The following PLCB1 variants were observed in gnomAD, a reference collection of about 807,000 sequenced individuals.
PLCB1 encodes the protein phospholipase C beta 1.
In PLCB1, 46 loss-of-function variants were observed where a neutral mutation model predicts 161.8. The ratio of observed to expected loss-of-function variants is 0.28; its 90% confidence interval spans 0.22 to 0.36. The LOEUF is 0.36. PLCB1 is among the 10% of genes least tolerant of loss of function. PLCB1 has a pLI of 1.00. For synonymous variants in PLCB1, 517 were observed against 503.7 expected (o/e 1.03, Z -0.35); for missense variants, 1,016 against 1,472.5 (o/e 0.69, Z 5.07).
intron 7 of PLCB1, chr20:8,650,015 C>T (rs191402887): frequency 5.7e-3 from 860 of 152,086 alleles, no homozygotes; most frequent in Non-Finnish European, 0.01. Context: ...ACTCCTATAA[C>T]CCCAGTATTT....
chr20:8,148,448 A>G (rs549229650), intron 1 of PLCB1, among the ~76,000 whole-genome samples: 1 of 152,346 alleles, frequency 6.6e-6, no homozygotes, highest in East Asian at 1.9e-4. Context: ...GATATTTTTC[A>G]AACTGCATGT....
intron 3 of PLCB1, among the ~76,000 whole-genome samples, chr20:8,426,299 T>C (rs988560428): frequency 6.6e-6 from 1 of 152,218 alleles, no homozygotes; most frequent in African/African-American, 2.4e-5. Context: ...AAAAGTTCTA[T>C]TTCTTTTCCA....
chr20:8,651,137 G>A (rs1384535987), intron 7 of PLCB1, among the ~76,000 whole-genome samples: 2 of 152,088 alleles, frequency 1.3e-5, no homozygotes, highest in Non-Finnish European at 2.9e-5. Context: ...GAGTATCTAA[G>A]CAACAAGGAA....
intron 3 of PLCB1, among the ~76,000 whole-genome samples, chr20:8,580,205 C>T (rs1214195893): frequency 1.3e-5 from 2 of 152,056 alleles, no homozygotes; most frequent in Admixed American, 6.6e-5. Flanking sequence ...TGGGGTGGCC[C>T]CACATGTCAA....
chr20:8,697,775 T>C lies in PLCB1; in HGVS notation c.1159T>C (p.Ser387Pro). Residue 387 changes from serine (S) to proline (P), a missense_variant, in exon 11 of 32, where the codon TCT becomes CCT. Around this residue, in one of 10 missense-constraint regions of PLCB1, gnomAD observed 56 missense variants for 126.3 expected, o/e 0.44. Transcript: ENST00000338037. ...TGGCTTCACCATGACAACTGAAATA[T>C]CTTTCAAGGTAGAGTATATGAATGT... ...THGFTMTTEI[S>P]FKEVIEAIAE... is the part of the protein sequence containing the mutation. 1 of 1,614,114 alleles carries C rather than the reference T, an allele frequency of 6.2e-7. No homozygotes were observed.
chr20:8,811,549 G>A (rs1001503337), intron 31 of PLCB1, among the ~76,000 whole-genome samples: 3 of 152,174 alleles, frequency 2.0e-5, no homozygotes, highest in Non-Finnish European at 4.4e-5. Flanking sequence ...ATTAATGGTT[G>A]GCAGAGTGGT....
intron 8 of PLCB1, among the ~76,000 whole-genome samples, chr20:8,658,011 A>G (rs983718495): frequency 6.6e-6 from 1 of 152,146 alleles, no homozygotes; most frequent in African/African-American, 2.4e-5. Context: ...CATTTGTACC[A>G]CTGAATTTGT....
chr20:8,650,376 T>C (rs1989283021), intron 7 of PLCB1, among the ~76,000 whole-genome samples: 1 of 152,160 alleles, frequency 6.6e-6, no homozygotes, highest in Non-Finnish European at 1.5e-5. Flanking sequence ...AATGATCCAA[T>C]GACCCAAAAA....
intron 8 of PLCB1, 90 bp from the exon 9 acceptor site, chr20:8,658,448 T>C (rs1179195993): frequency 4.0e-6 from 4 of 994,450 alleles, no homozygotes; most frequent in Non-Finnish European, 6.0e-6. Context: ...TTATCAAGTA[T>C]AAGATTTTAT....
chr20:8,517,910 G>A (rs555711366), intron 3 of PLCB1, among the ~76,000 whole-genome samples: 8 of 152,312 alleles, frequency 5.3e-5, no homozygotes, highest in Admixed American at 1.3e-4. Flanking sequence ...CTGGCTAGGC[G>A]TGGTGGCTCA....
At chr20:8,829,084 G>C (rs1237923624) in intron 31 of PLCB1, among the ~76,000 whole-genome samples, 3 of 152,170 alleles carry the variant, frequency 2.0e-5, no homozygotes, top group African/African-American at 7.2e-5. Context: ...CTATGTGGTA[G>C]GTATATGGGT....
chr20:8,281,340 AC>A (rs1982864681), intron 2 of PLCB1, among the ~76,000 whole-genome samples: 1 of 129,504 alleles, frequency 7.7e-6, no homozygotes, highest in Non-Finnish European at 1.6e-5. Flanking sequence ...TCTTTTTAAT[AC>A]ATTTTTTTCT....
chr20:8,542,210 G>A (rs77110120), intron 3 of PLCB1, among the ~76,000 whole-genome samples: 8 of 152,066 alleles, frequency 5.3e-5, no homozygotes, highest in Non-Finnish European at 1.0e-4. Flanking sequence ...TCTTTCCTAC[G>A]TGTGAACCGT....
chr20:8,579,446 G>A (rs995133691), intron 3 of PLCB1, among the ~76,000 whole-genome samples: 52 of 152,166 alleles, frequency 3.4e-4, no homozygotes, highest in African/African-American at 1.2e-3. Flanking sequence ...CCATACAAGC[G>A]TAAGCTAAAC....
chr20:8,320,012 T>A (rs892160837), intron 2 of PLCB1, among the ~76,000 whole-genome samples: 2 of 151,934 alleles, frequency 1.3e-5, no homozygotes, highest in Non-Finnish European at 2.9e-5. Context: ...TAAAATTTTT[T>A]AAAAAAAGAA....
intron 3 of PLCB1, among the ~76,000 whole-genome samples, chr20:8,503,682 AT>A (rs530548051): frequency 2.6e-5 from 4 of 151,816 alleles, no homozygotes; most frequent in African/African-American, 4.8e-5. Flanking sequence ...CATGACTGTG[AT>A]TTTTTTTTAA....
chr20:8,425,871 A>G (rs1600392294), intron 3 of PLCB1, among the ~76,000 whole-genome samples: 1 of 133,984 alleles, frequency 7.5e-6, no homozygotes, highest in Non-Finnish European at 1.5e-5. Context: ...CCAATTTCAG[A>G]AAAAAAAAAA....
At position 8,724,738 on chromosome 20, in the gene PLCB1, T is replaced by A; in HGVS notation, c.1664T>A (p.Phe555Tyr). The part of the protein sequence containing the change: ...NYIQPVKFES[F>Y]EISKKRNKSF... ...ATTCAGCCAGTCAAGTTTGAGTCAT[T>A]TGAAATTTCAAAAAGTAAGTTTTCC... The change falls in exon 16 of 32, where the codon TTT (phenylalanine) becomes TAT (tyrosine). Residue 555 changes from phenylalanine (F) to tyrosine (Y), a missense_variant. Phe to Tyr is a conservative substitution (Grantham distance 22). Around this residue, in one of 10 missense-constraint regions of PLCB1, gnomAD observed 109 missense variants for 129.7 expected, o/e 0.84. Coordinates refer to ENST00000338037, the MANE Select transcript of PLCB1 (RefSeq NM_015192.4). 2 of 1,604,700 alleles carry A rather than the reference T, an allele frequency of 1.2e-6. No individual in the cohort carries two copies. The highest frequency in any genetic ancestry group is 1.7e-6 in the Non-Finnish European group (2 of 1,172,248).
At chr20:8,517,772 A>G (rs1243581511) in intron 3 of PLCB1, among the ~76,000 whole-genome samples, 1 of 152,192 alleles carries the variant, frequency 6.6e-6, no homozygotes, top group African/African-American at 2.4e-5. Flanking sequence ...CAGGTGCTAT[A>G]CAAGGTCATT....
Sources: allele counts gnomAD v4.1 joint callset (sites outside exome capture counted in the v4.1 genomes callset), GRCh38; gene constraint gnomAD v4.1.1; regional missense constraint gnomAD v4.1.1; transcripts MANE v1.5; gene names NCBI Gene and HGNC (gene_info 2026-07-23, HGNC 2026-07-21).